SRGAP3: variants seen among roughly 807,000 people sequenced by gnomAD.
SRGAP3 encodes the protein SLIT-ROBO Rho GTPase-activating protein 3.
In SRGAP3, 39 loss-of-function variants were observed where a neutral mutation model predicts 121.1. The observed-to-expected ratio is 0.32, with a 90% CI of 0.25 to 0.42. The LOEUF (loss-of-function observed/expected upper bound fraction) is 0.42, where lower values mean the gene tolerates loss of function less well. Ranked by LOEUF, SRGAP3 falls within the 10% of genes least tolerant of loss-of-function variation. The probability of loss-of-function intolerance (pLI) is 1.00; values close to 1 mark genes in which losing one functional copy is unlikely to be tolerated. For missense variants in SRGAP3, 1,213 were observed against 1,470.6 expected, an observed-to-expected ratio of 0.82 and a Z score of 2.86; for synonymous variants, 601 against 570.0, an observed-to-expected ratio of 1.05 and a Z score of -0.77.
chr3:9,058,708 CT>C, intron 6 of SRGAP3: 1 of 460,558 alleles, frequency 2.2e-6, no homozygotes, highest in African/African-American at 2.2e-5. Context: ...CCATCTTTCT[CT>C]CTCTCTTTTT....
At chr3:9,344,379 T>C (rs1240057254) in intron 1 of SRGAP3, among the ~76,000 whole-genome samples, 1 of 152,070 alleles carries the variant, frequency 6.6e-6, no homozygotes, top group Non-Finnish European at 1.5e-5. Flanking sequence ...CGCTTGAACC[T>C]GGGAGGCAGA....
chr3:9,349,155 T>C, intron 1 of SRGAP3: 1 of 756,824 alleles, frequency 1.3e-6, no homozygotes, highest in Non-Finnish European at 2.4e-6. Context: ...CGTAAAGCCA[T>C]GGAAGCTGTG....
At chr3:9,020,903 C>G (rs1943882113) in intron 14 of SRGAP3, among the ~76,000 whole-genome samples, 1 of 152,316 alleles carries the variant, frequency 6.6e-6, no homozygotes, top group South Asian at 2.1e-4. Context: ...ACTGAATTGC[C>G]CTGCCTGGAG....
intron 1 of SRGAP3, chr3:9,217,401 C>G (rs1952672046): frequency 6.6e-6 from 1 of 152,152 alleles, no homozygotes; most frequent in African/African-American, 2.4e-5. Flanking sequence ...TCAAGACCCT[C>G]CAAGGGGGCA....
At chr3:9,217,178 C>T (rs1299294132) in intron 1 of SRGAP3, among the ~76,000 whole-genome samples, 1 of 152,018 alleles carries the variant, frequency 6.6e-6, no homozygotes, top group East Asian at 1.9e-4. Context: ...ATGTGCTTTT[C>T]GACACAATAA....
intron 4 of SRGAP3, among the ~76,000 whole-genome samples, chr3:9,066,321 C>T (rs1038875715): frequency 6.6e-6 from 1 of 152,154 alleles, no homozygotes; most frequent in Non-Finnish European, 1.5e-5. Context: ...TCTTCTGTGG[C>T]TTGGATTACT....
At position 9,265,493 on chromosome 3, in the gene SRGAP3, T is replaced by A. The variant is rs142815778; in HGVS notation, n.442+60517A>T. ...CTACTCATCTGACAAAGGGCTAATA[T>A]CCAGAATCTACAAGGAACTTAAGCA... On this transcript the variant is annotated intron_variant and non_coding_transcript_variant, in intron 3 of 3. Transcript: ENST00000490889. Among the ~76,000 whole-genome samples, 449 of 151,544 alleles carry A rather than the reference T, an allele frequency of 3.0e-3. 15 individuals carry two copies. The South Asian group carries it at 0.047, about 16-fold the overall frequency.
At chr3:8,995,841 C>A (rs1197446733) in intron 18 of SRGAP3, among the ~76,000 whole-genome samples, 1 of 152,178 alleles carries the variant, frequency 6.6e-6, no homozygotes, top group African/African-American at 2.4e-5. Context: ...AGAGGTTTAA[C>A]ATTATAATTC....
intron 1 of SRGAP3, among the ~76,000 whole-genome samples, chr3:9,184,809 G>A (rs906841865): frequency 6.6e-6 from 1 of 152,048 alleles, no homozygotes; most frequent in East Asian, 1.9e-4. Context: ...CTCCTCCCAA[G>A]AGCCTCCCTC....
intron 11 of SRGAP3, chr3:9,035,136 G>C (rs1416497300): frequency 6.6e-6 from 1 of 152,112 alleles, no homozygotes; most frequent in Non-Finnish European, 1.5e-5. Context: ...GTATGAAAGT[G>C]ATTTTATCAT....
intron 1 of SRGAP3, among the ~76,000 whole-genome samples, chr3:9,233,768 C>A (rs1953308843): frequency 6.6e-6 from 1 of 152,190 alleles, no homozygotes; most frequent in South Asian, 2.1e-4. Flanking sequence ...TTCCCCCATG[C>A]ACACTGCACC....
intron 1 of SRGAP3, among the ~76,000 whole-genome samples, chr3:9,191,048 GA>G (rs759801518): frequency 6.6e-6 from 1 of 151,026 alleles, no homozygotes; most frequent in African/African-American, 2.4e-5. Context: ...TCTTCCTACA[GA>G]AAAAAAAAGA....
In SRGAP3 at chr3:8,985,609, G is replaced by GCTC. The variant is rs1246956278; in HGVS notation, c.3209_3210insGAG (p.Ser1069_Ser1070insArg). On this transcript the variant is annotated inframe_insertion, in exon 22 of 22. Transcript: ENST00000383836. The surrounding 1 kb of genome is among the most constrained non-coding windows in gnomAD (Gnocchi z 5.1). ...GGCTGCCCACGCCCGAGCTGCTGCT[G>GCTC]CTGCTGGACCGGTGCTGGACCACCG... 6.3e-7 allele frequency: 1 copy of GCTC among 1,597,572 alleles called. No homozygotes were observed. The highest frequency in any genetic ancestry group is 8.5e-7 in the Non-Finnish European group (1 of 1,179,064).
chr3:9,102,589 G>A (rs1948259369), intron 3 of SRGAP3, among the ~76,000 whole-genome samples: 1 of 152,238 alleles, frequency 6.6e-6, no homozygotes, highest in African/African-American at 2.4e-5. Flanking sequence ...TGTAACTGAT[G>A]CAACACAAAG....
At chr3:9,152,965 C>G (rs2664110) in intron 1 of SRGAP3, among the ~76,000 whole-genome samples, 114,029 of 152,112 alleles carry the variant, frequency 0.75, 42,903 homozygotes, top group African/African-American at 0.81. Context: ...TCTCGCTCTG[C>G]CCAGTCCTGC....
intron 11 of SRGAP3, chr3:9,037,507 C>T (rs1944806204): frequency 6.4e-6 from 1 of 155,420 alleles, no homozygotes; most frequent in South Asian, 2.0e-4. Context: ...CCGTGTGTTA[C>T]TTTCCGTCAG....
chr3:9,056,352 A>G lies in SRGAP3; in HGVS notation c.1024-18T>C. 1 of 1,610,520 alleles carries G rather than the reference A, an allele frequency of 6.2e-7. No individual in the cohort carries two copies. The highest frequency in any genetic ancestry group is 1.1e-5 in the South Asian group (1 of 91,020). On this transcript the variant is annotated intron_variant, in intron 7 of 21. Coordinates refer to ENST00000383836, the MANE Select transcript of SRGAP3 (RefSeq NM_014850.4). ...TGGCAGACCTGCAGGAATAACAGCC[A>G]CCATCTGTGGTTGCCCTGTGCCCTC...
chr3:9,135,398 A>G (rs570404505), intron 1 of SRGAP3, among the ~76,000 whole-genome samples: 2 of 152,256 alleles, frequency 1.3e-5, no homozygotes, highest in South Asian at 2.1e-4. Context: ...CCCTCCCCTC[A>G]AGAAAACATG....
At chr3:9,346,760 T>C (rs1012074430) in intron 1 of SRGAP3, among the ~76,000 whole-genome samples, 4 of 150,944 alleles carry the variant, frequency 2.6e-5, no homozygotes, top group Admixed American at 6.6e-5. Flanking sequence ...TTTCTTTTTT[T>C]TTTTTTTTTT....
Sources: allele counts gnomAD v4.1 joint callset (sites outside exome capture counted in the v4.1 genomes callset), GRCh38; gene constraint gnomAD v4.1.1; non-coding constraint Gnocchi (gnomAD v3.1); transcripts MANE v1.5; gene names NCBI Gene and HGNC (gene_info 2026-07-23, HGNC 2026-07-21).